GREM2: variants seen among roughly 807,000 people sequenced by gnomAD.
GREM2 encodes gremlin-2.
Under a neutral mutation model 14.2 loss-of-function variants are expected in GREM2, and 11 were observed. That is an observed-to-expected ratio of 0.78 (90% CI 0.49 to 1.28). The LOEUF (loss-of-function observed/expected upper bound fraction) is 1.28, where lower values mean the gene tolerates loss of function less well. Ranked by LOEUF, GREM2 falls within the 50% of genes most tolerant of loss-of-function variation. The pLI is 0.00. For synonymous variants in GREM2, 98 were observed against 97.6 expected (o/e 1.00, Z -0.02); for missense variants, 210 against 218.5 (o/e 0.96, Z 0.24).
At chr1:240,530,382 C>T (rs989537790) in intron 1 of GREM2, 2 of 152,164 alleles carry the variant, frequency 1.3e-5, no homozygotes, top group African/African-American at 2.4e-5. Flanking sequence ...TTCTAAAAGC[C>T]TTTACTGCTT....
chr1:240,599,683 G>A (rs1022318514), intron 1 of GREM2, among the ~76,000 whole-genome samples: 2 of 152,186 alleles, frequency 1.3e-5, no homozygotes, highest in Non-Finnish European at 2.9e-5. Flanking sequence ...AAGAGAAGAA[G>A]AGTCATAGCT....
chr1:240,531,687 T>G (rs1411641853), intron 1 of GREM2: 2 of 976,296 alleles, frequency 2.0e-6, no homozygotes, highest in Non-Finnish European at 2.4e-6. Flanking sequence ...AGTGCTCTCA[T>G]TTTTCTTTTC....
At chr1:240,576,008 A>G (rs1679367008) in intron 1 of GREM2, among the ~76,000 whole-genome samples, 1 of 152,216 alleles carries the variant, frequency 6.6e-6, no homozygotes, top group African/African-American at 2.4e-5. Flanking sequence ...AATGTGCCCA[A>G]AATAAGAAGA....
chr1:240,513,389 A>C (rs1017616024), intron 1 of GREM2, among the ~76,000 whole-genome samples: 1 of 152,064 alleles, frequency 6.6e-6, no homozygotes, highest in African/African-American at 2.4e-5. Context: ...AACCTGGCCA[A>C]CAAGGTGAAA....
At chr1:240,579,719 A>G (rs2103375415) in intron 1 of GREM2, among the ~76,000 whole-genome samples, 1 of 152,324 alleles carries the variant, frequency 6.6e-6, no homozygotes, top group Non-Finnish European at 1.5e-5. Flanking sequence ...GTCTGGGGTC[A>G]TCAAGAAAGG....
intron 1 of GREM2, among the ~76,000 whole-genome samples, chr1:240,571,038 G>T (rs1231087336): frequency 6.6e-6 from 1 of 152,126 alleles, no homozygotes; most frequent in Non-Finnish European, 1.5e-5. Flanking sequence ...AATGATCTTT[G>T]ATAGGAATGA....
In GREM2 at chr1:240,543,925, T is replaced by C. The variant is rs1340508802; in HGVS notation, c.-1-50449A>G. Among the ~76,000 whole-genome samples the C allele has an allele frequency of 6.6e-6, 1 of 152,186 alleles. No individual in the cohort carries two copies. The highest frequency in any genetic ancestry group is 1.5e-5 in the Non-Finnish European group (1 of 68,034). ...CACAGAACTAAAGGGTGACCCTCCA[T>C]ACCTGTGGGTTCCACATTCATGGGT... On this transcript the variant is annotated intron_variant, in intron 1 of 1. Coordinates refer to ENST00000318160, the MANE Select transcript of GREM2 (RefSeq NM_022469.4). The surrounding 1 kb of genome is among the most constrained non-coding windows in gnomAD (Gnocchi z 6.4).
rs566450583 is a variant in GREM2, at chr1:240,592,005, T to C, written c.-2+19879A>G. ...ATTTTACAGTCTGGTTCCAAGGATA[T>C]AAAAGTCTGTGATGGAGCCTCCTCT... On this transcript the variant is annotated intron_variant, in intron 1 of 1. Coordinates refer to ENST00000318160, the MANE Select transcript of GREM2 (RefSeq NM_022469.4). 4.6e-5 allele frequency among the ~76,000 whole-genome samples: 7 copies of C among 152,284 alleles called. No homozygotes were observed. The East Asian group carries it at 1.3e-3, about 29-fold the overall frequency.
At chr1:240,576,286 G>T (rs914993263) in intron 1 of GREM2, among the ~76,000 whole-genome samples, 1 of 152,162 alleles carries the variant, frequency 6.6e-6, no homozygotes, top group Admixed American at 6.5e-5. Flanking sequence ...TTTGCACCTT[G>T]GTTTGCTGCT....
chr1:240,505,303 A>G (rs1219739872), intron 1 of GREM2, among the ~76,000 whole-genome samples: 2 of 152,128 alleles, frequency 1.3e-5, no homozygotes, highest in Non-Finnish European at 2.9e-5. Context: ...ACCCATTCTC[A>G]GATATTTCTT....
chr1:240,497,466 C>G (rs1677453149), intron 1 of GREM2, among the ~76,000 whole-genome samples: 1 of 151,946 alleles, frequency 6.6e-6, no homozygotes, highest in East Asian at 1.9e-4. Flanking sequence ...AAGGGAAAAG[C>G]ATCGGTTCTA....
intron 1 of GREM2, among the ~76,000 whole-genome samples, chr1:240,555,023 T>C (rs546471681): frequency 6.6e-6 from 1 of 152,190 alleles, no homozygotes; most frequent in African/African-American, 2.4e-5. Context: ...CAGATGCCTG[T>C]AATCCCAGCT....
At chr1:240,520,988 T>C (rs1447422443) in intron 1 of GREM2, among the ~76,000 whole-genome samples, 1 of 152,084 alleles carries the variant, frequency 6.6e-6, no homozygotes, top group Admixed American at 6.5e-5. Flanking sequence ...ACAATCTGGT[T>C]CAGTATCCCA....
intron 1 of GREM2, among the ~76,000 whole-genome samples, chr1:240,555,533 A>G (rs1325741442): frequency 6.6e-6 from 1 of 152,224 alleles, no homozygotes; most frequent in Non-Finnish European, 1.5e-5. Flanking sequence ...GTCAGAGCCA[A>G]ATCAGATACA....
chr1:240,560,909 T>G (rs1679024339), intron 1 of GREM2, among the ~76,000 whole-genome samples: 1 of 152,168 alleles, frequency 6.6e-6, no homozygotes, highest in African/African-American at 2.4e-5. Flanking sequence ...GCCGCTCTTT[T>G]TTTCTCCTTG....
intron 1 of GREM2, among the ~76,000 whole-genome samples, chr1:240,604,109 G>T (rs1049953969): frequency 1.3e-5 from 2 of 151,690 alleles, no homozygotes; most frequent in Non-Finnish European, 2.9e-5. Flanking sequence ...TTTAAAGAAC[G>T]AGCTTTCAAG....
At chr1:240,608,830 A>G (rs1285359069) in intron 1 of GREM2, among the ~76,000 whole-genome samples, 1 of 152,034 alleles carries the variant, frequency 6.6e-6, no homozygotes. Context: ...AGGGCACTTC[A>G]AGTTGGAGGG....
intron 1 of GREM2, among the ~76,000 whole-genome samples, chr1:240,567,433 G>A (rs1315661769): frequency 6.6e-6 from 1 of 151,724 alleles, no homozygotes; most frequent in Non-Finnish European, 1.5e-5. Flanking sequence ...AATCATGAAA[G>A]TAGCAAGATT....
chr1:240,591,854 G>A (rs1247430121), intron 1 of GREM2, among the ~76,000 whole-genome samples: 1 of 149,744 alleles, frequency 6.7e-6, no homozygotes, highest in Non-Finnish European at 1.5e-5. Context: ...TTTGCTACAA[G>A]GTATGGAGCT....
Sources: gnomAD v4.1 joint callset for allele counts (sites outside exome capture counted in the v4.1 genomes callset) on GRCh38, gnomAD v4.1.1 for gene constraint, Gnocchi (gnomAD v3.1) non-coding constraint, MANE v1.5 for transcripts, NCBI Gene and HGNC (gene_info 2026-07-23, HGNC 2026-07-21) for gene names.